The following ENTREP2 variants were observed in gnomAD, a reference collection of about 807,000 sequenced individuals.
ENTREP2 encodes protein ENTREP2.
chr15:29,478,001 A>ATATATATATATATATATATATATATATT, the ENTREP2 span, among the ~76,000 whole-genome samples: 1 of 76,496 alleles, frequency 1.3e-5, no homozygotes, highest in African/African-American at 7.1e-5. Context: ...AACTATATAT[A>ATATATATATATATATATATATATATATT]TATATATATA....
chr15:29,571,331 C>G, the ENTREP2 span, among the ~76,000 whole-genome samples: 1 of 152,148 alleles, frequency 6.6e-6, no homozygotes, highest in African/African-American at 2.4e-5. Flanking sequence ...GCGGGCCAGC[C>G]GAGCCTTCAG....
the ENTREP2 span, among the ~76,000 whole-genome samples, chr15:29,591,385 T>C: frequency 6.6e-6 from 1 of 152,194 alleles, no homozygotes; most frequent in Non-Finnish European, 1.5e-5. Flanking sequence ...GAGTGACTTA[T>C]TTCATGGATA....
chr15:29,136,478 G>C, the ENTREP2 span: 3 of 1,548,520 alleles, frequency 1.9e-6, no homozygotes, highest in Non-Finnish European at 2.6e-6. Flanking sequence ...GAATGGAGAC[G>C]GAGCAAAGTC....
At chr15:29,377,707 G>T in the ENTREP2 span, among the ~76,000 whole-genome samples, 9 of 151,742 alleles carry the variant, frequency 5.9e-5, no homozygotes, top group African/African-American at 2.2e-4. Flanking sequence ...TTTAATCCCA[G>T]CTACTCAGGC....
At chr15:29,462,604 C>T in the ENTREP2 span, among the ~76,000 whole-genome samples, 973 of 150,038 alleles carry the variant, frequency 6.5e-3, 12 homozygotes, top group African/African-American at 0.021. Flanking sequence ...GAGCGAAATT[C>T]GATCTCAAAA....
At chr15:29,550,427 T>G in the ENTREP2 span, among the ~76,000 whole-genome samples, 1 of 152,182 alleles carries the variant, frequency 6.6e-6, no homozygotes, top group Non-Finnish European at 1.5e-5. Context: ...AAGCCAAGAA[T>G]TGTAAATAAT....
chr15:29,511,344 C>CTT, the ENTREP2 span, among the ~76,000 whole-genome samples: 17 of 136,886 alleles, frequency 1.2e-4, 1 homozygote, highest in South Asian at 2.5e-3. Context: ...TTTTTCTTTT[C>CTT]TTTTTTTTTT....
chr15:29,358,398 G>A, the ENTREP2 span, among the ~76,000 whole-genome samples: 2 of 152,152 alleles, frequency 1.3e-5, no homozygotes, highest in South Asian at 4.1e-4. Flanking sequence ...ATTATTTAGG[G>A]ATGTGTACAT....
the ENTREP2 span, among the ~76,000 whole-genome samples, chr15:29,166,307 G>T: frequency 6.6e-6 from 1 of 152,134 alleles, no homozygotes; most frequent in Non-Finnish European, 1.5e-5. Context: ...ACATACTACT[G>T]AAGTCCTAGC....
chr15:29,536,663 G>C, the ENTREP2 span, among the ~76,000 whole-genome samples: 1 of 152,012 alleles, frequency 6.6e-6, no homozygotes, highest in African/African-American at 2.4e-5. Flanking sequence ...CTCAGAATCG[G>C]AGTTTATTTG....
the ENTREP2 span, among the ~76,000 whole-genome samples, chr15:29,426,290 T>C: frequency 0.089 from 13,593 of 152,210 alleles, 885 homozygotes; most frequent in East Asian, 0.31. Flanking sequence ...ACCTGTTCCT[T>C]CTAAAATATG....
At chr15:29,593,998 T>C in the ENTREP2 span, among the ~76,000 whole-genome samples, 2 of 152,194 alleles carry the variant, frequency 1.3e-5, no homozygotes, top group African/African-American at 4.8e-5. Context: ...ACTATAGTTA[T>C]ACAAGATGTT....
At chr15:29,404,256 A>C in the ENTREP2 span, among the ~76,000 whole-genome samples, 2 of 151,994 alleles carry the variant, frequency 1.3e-5, no homozygotes, top group Non-Finnish European at 2.9e-5. Flanking sequence ...ACCTATGTCC[A>C]TCCCTGGGTT....
chr15:29,293,258 C>CT, the ENTREP2 span, among the ~76,000 whole-genome samples: 2,231 of 147,030 alleles, frequency 0.015, 48 homozygotes, highest in African/African-American at 0.05. Flanking sequence ...TTTATTGACT[C>CT]TTTTTTTTTT....
the ENTREP2 span, among the ~76,000 whole-genome samples, chr15:29,309,677 T>C: frequency 6.6e-6 from 1 of 151,670 alleles, no homozygotes; most frequent in Non-Finnish European, 1.5e-5. Context: ...TAATCTCAGC[T>C]ACTTGGGAGG....
At chr15:29,520,742 A>G in the ENTREP2 span, among the ~76,000 whole-genome samples, 311 of 152,346 alleles carry the variant, frequency 2.0e-3, no homozygotes, top group Middle Eastern at 0.01. Flanking sequence ...AGAGCAATAT[A>G]CAAGATGCAA....
At chr15:29,612,939 A>G in the ENTREP2 span, 1 of 152,256 alleles carries the variant, frequency 6.6e-6, no homozygotes, top group South Asian at 2.1e-4. Flanking sequence ...GGCTGAAATC[A>G]GTTGAAACCA....
the ENTREP2 span, among the ~76,000 whole-genome samples, chr15:29,597,687 G>A: frequency 8.5e-5 from 13 of 152,162 alleles, no homozygotes; most frequent in African/African-American, 3.1e-4. Flanking sequence ...ACCTATTGAA[G>A]GATATATTGG....
the ENTREP2 span, among the ~76,000 whole-genome samples, chr15:29,145,622 CAAA>C: frequency 1.7e-5 from 1 of 58,254 alleles, no homozygotes; most frequent in Non-Finnish European, 3.0e-5. Flanking sequence ...GACTCCATCT[CAAA>C]AAAAAAAAAA....
Sources: allele counts gnomAD v4.1 joint callset (sites outside exome capture counted in the v4.1 genomes callset), GRCh38; gene constraint gnomAD v4.1.1; transcripts MANE v1.5; gene names NCBI Gene and HGNC (gene_info 2026-07-23, HGNC 2026-07-21).